GTF2H5: variants seen among roughly 807,000 people sequenced by gnomAD.
The protein encoded by GTF2H5 is TFB5 ortholog.
GTF2H5 carries 5 observed loss-of-function variants against 7.1 expected under a neutral mutation model. The ratio of observed to expected loss-of-function variants is 0.71; its 90% CI spans 0.37 to 1.49. The LOEUF is 1.49. Ranked by LOEUF, GTF2H5 falls within the 40% of genes most tolerant of loss-of-function variation. The pLI is 0.03. For missense variants in GTF2H5, 80 were observed against 83.0 expected (o/e 0.96, Z 0.14); for synonymous variants, 30 against 31.7 (o/e 0.95, Z 0.18).
At chr6:158,172,842 C>T (rs759489685) in intron 2 of GTF2H5, among the ~76,000 whole-genome samples, 8 of 152,208 alleles carry the variant, frequency 5.3e-5, no homozygotes, top group South Asian at 2.1e-4. Flanking sequence ...TTGCATTAAA[C>T]CTACGTTTTA....
Position 158,191,992 on chromosome 6 carries a change from G to A in GTF2H5, c.51G>A (p.Lys17=). 1 of 1,613,990 alleles carries A rather than the reference G, an allele frequency of 6.2e-7. No individual in the cohort carries two copies. Among genetic ancestry groups the A allele is most frequent in the East Asian group, 2.2e-5 (1 of 44,878 alleles). The change falls in exon 3 of 3, where the codon AAG becomes AAA. Residue 17 remains lysine (K), a synonymous_variant. Coordinates refer to ENST00000607778, the MANE Select transcript of GTF2H5 (RefSeq NM_207118.3). Reference sequence around the variant, plus strand: ...GTCTTTACAGTGATCCTGCCATGAAGCAGTTTCTGCTGTACTTGGATGAGT... The same window carrying A: ...GTCTTTACAGTGATCCTGCCATGAAACAGTTTCTGCTGTACTTGGATGAGT... ...GVLIECDPAM[K]QFLLYLDESN... is the part of the protein sequence containing the mutation.
intron 2 of GTF2H5, among the ~76,000 whole-genome samples, chr6:158,185,244 T>C (rs1776898471): frequency 6.6e-6 from 1 of 152,054 alleles, no homozygotes. Context: ...AAATTGTCTT[T>C]CAAAAGTTTG....
chr6:158,197,311 T>C lies in GTF2H5; in HGVS notation c.*5154T>C. The C allele has an allele frequency of 5.2e-6, 1 of 193,390 alleles. No individual in the cohort carries two copies. 12.0% of individuals were successfully genotyped at this position (193,390 alleles called of 1,614,324 possible). Reference sequence around the variant, plus strand: ...AAAGCACAGTCGTCATGCAAAATAGTCACTACTCATTCAAAAACTCTATAG... The same window carrying C: ...AAAGCACAGTCGTCATGCAAAATAGCCACTACTCATTCAAAAACTCTATAG... On this transcript the variant is annotated 3_prime_UTR_variant, in exon 3 of 3. Coordinates refer to ENST00000607778, the MANE Select transcript of GTF2H5 (RefSeq NM_207118.3).
chr6:158,173,519 A>G (rs1490363698), intron 2 of GTF2H5, among the ~76,000 whole-genome samples: 3 of 152,150 alleles, frequency 2.0e-5, no homozygotes, highest in Non-Finnish European at 2.9e-5. Context: ...TTATCAGTAT[A>G]AGTCTGTTTA....
chr6:158,176,549 A>G (rs972848097), intron 2 of GTF2H5, among the ~76,000 whole-genome samples: 1 of 152,186 alleles, frequency 6.6e-6, no homozygotes, highest in Admixed American at 6.5e-5. Flanking sequence ...AAAAGGATAT[A>G]CGTATGTCTT....
rs541479986 is a variant in GTF2H5, at chr6:158,192,180, A to C, written c.*23A>C. 10 of 1,573,708 alleles carry C rather than the reference A, an allele frequency of 6.4e-6. No homozygotes were observed. The East Asian group carries it at 1.6e-4, about 25-fold the overall frequency. On this transcript the variant is annotated 3_prime_UTR_variant, in exon 3 of 3. Transcript: ENST00000607778. Reference sequence around the variant, plus strand: ...TGAAAATACTCAATATGGACCATTTAGGAATTATAAGCAGCAACTGTGAAA... The same window carrying C: ...TGAAAATACTCAATATGGACCATTTCGGAATTATAAGCAGCAACTGTGAAA...
At chr6:158,169,452 A>G (rs1219900499) in intron 1 of GTF2H5, among the ~76,000 whole-genome samples, 1 of 58,442 alleles carries the variant, frequency 1.7e-5, no homozygotes, top group Non-Finnish European at 2.7e-5. Flanking sequence ...TATATTATAT[A>G]TTATATATAT....
At position 158,195,687 on chromosome 6, in the gene GTF2H5, C is replaced by T. The variant is rs1360681795; in HGVS notation, c.*3530C>T. 1 of 152,140 alleles carries T rather than the reference C, an allele frequency of 6.6e-6. No individual in the cohort carries two copies. The highest frequency in any genetic ancestry group is 1.9e-4 in the East Asian group (1 of 5,190). 9.4% of individuals were successfully genotyped at this position (152,140 alleles called of 1,614,324 possible). A position where few individuals can be genotyped will look rare whatever the true frequency, so the allele number is the denominator to read the frequency against. ...AGAAGTTGGTAGTGTACTTACTACT[C>T]TATTTTGCAGTTATACAATAAATCT... On this transcript the variant is annotated 3_prime_UTR_variant, in exon 3 of 3. Coordinates refer to ENST00000607778, the MANE Select transcript of GTF2H5 (RefSeq NM_207118.3).
At chr6:158,172,220 G>A (rs1785867334) in intron 2 of GTF2H5, among the ~76,000 whole-genome samples, 1 of 151,406 alleles carries the variant, frequency 6.6e-6, no homozygotes, top group South Asian at 2.1e-4. Flanking sequence ...CTTCTCTCTT[G>A]TGGGGATTTT....
intron 2 of GTF2H5, among the ~76,000 whole-genome samples, chr6:158,182,089 G>A (rs1386687804): frequency 6.6e-6 from 1 of 152,162 alleles, no homozygotes; most frequent in Non-Finnish European, 1.5e-5. Context: ...AAATCTCTCA[G>A]CATTTGCTTG....
chr6:158,176,423 C>T (rs1181096699), intron 2 of GTF2H5, among the ~76,000 whole-genome samples: 1 of 152,122 alleles, frequency 6.6e-6, no homozygotes, highest in Non-Finnish European at 1.5e-5. Context: ...GATGGGGTTT[C>T]ACTATCTTGG....
intron 1 of GTF2H5, among the ~76,000 whole-genome samples, chr6:158,169,956 G>C (rs889515340): frequency 2.0e-5 from 3 of 150,694 alleles, no homozygotes; most frequent in Non-Finnish European, 4.4e-5. Context: ...GGAGGCAAGA[G>C]GTTGCAGGGA....
rs569302244 is a variant in GTF2H5 at position 158,184,175 on chromosome 6, T to C, written c.36-7802T>C. Among the ~76,000 whole-genome samples, 18 of 152,214 alleles carry C rather than the reference T, an allele frequency of 1.2e-4. No individual in the cohort carries two copies. The South Asian group carries it at 3.7e-3, about 32-fold the overall frequency. The stretch of plus-strand genomic sequence containing the variant: ...CTATTTTCTTTGTATAATTAAAGCC[T>C]TGGGGTTAGCGGGTACATCACCAGC... On this transcript the variant is annotated intron_variant, in intron 2 of 2. Transcript: ENST00000607778.
At chr6:158,185,443 G>C (rs1776903453) in intron 2 of GTF2H5, among the ~76,000 whole-genome samples, 1 of 151,828 alleles carries the variant, frequency 6.6e-6, no homozygotes, top group Non-Finnish European at 1.5e-5. Context: ...AGGAGGCTGA[G>C]GTGGGAGGAT....
At chr6:158,175,211 T>C (rs1693015696) in intron 2 of GTF2H5, among the ~76,000 whole-genome samples, 1 of 152,182 alleles carries the variant, frequency 6.6e-6, no homozygotes, top group African/African-American at 2.4e-5. Context: ...AGATTCACAG[T>C]GAATAAGATG....
At chr6:158,184,232 G>A (rs545413668) in intron 2 of GTF2H5, among the ~76,000 whole-genome samples, 4 of 151,664 alleles carry the variant, frequency 2.6e-5, no homozygotes, top group African/African-American at 7.3e-5. Flanking sequence ...TGATCAGTGG[G>A]ACAAGAAAAG....
intron 2 of GTF2H5, among the ~76,000 whole-genome samples, chr6:158,179,086 C>T (rs1785971519): frequency 6.6e-6 from 1 of 152,110 alleles, no homozygotes; most frequent in African/African-American, 2.4e-5. Flanking sequence ...TTCCCGACAC[C>T]ATTTATTAAA....
intron 2 of GTF2H5, among the ~76,000 whole-genome samples, chr6:158,182,634 A>T (rs1786026288): frequency 6.6e-6 from 1 of 151,782 alleles, no homozygotes; most frequent in Admixed American, 6.6e-5. Flanking sequence ...TTGATCTTCA[A>T]TCAATGATAT....
At chr6:158,185,500 C>T (rs1776904177) in intron 2 of GTF2H5, among the ~76,000 whole-genome samples, 2 of 146,600 alleles carry the variant, frequency 1.4e-5, no homozygotes, top group Admixed American at 1.4e-4. Flanking sequence ...GGGATTGTGC[C>T]ACTGCACTCC....
Sources: gnomAD v4.1 joint callset for allele counts (sites outside exome capture counted in the v4.1 genomes callset) on GRCh38, gnomAD v4.1.1 for gene constraint, MANE v1.5 for transcripts, NCBI Gene and HGNC (gene_info 2026-07-23, HGNC 2026-07-21) for gene names.